The following SLCO5A1 variants were observed in gnomAD, a reference collection of about 807,000 sequenced individuals.
The protein encoded by SLCO5A1 is organic anion transporter polypeptide-related protein 4.
In SLCO5A1, 39 loss-of-function variants were observed where a neutral mutation model predicts 65.1. The observed-to-expected ratio is 0.60, with a 90% confidence interval of 0.46 to 0.78. The LOEUF (loss-of-function observed/expected upper bound fraction) is 0.78, where lower values mean the gene tolerates loss of function less well. Ranked by LOEUF, SLCO5A1 falls within the 30% of genes least tolerant of loss-of-function variation. The pLI, the probability that SLCO5A1 is intolerant of heterozygous loss-of-function variation, is 0.00. For synonymous variants in SLCO5A1, 438 were observed against 415.7 expected, an observed-to-expected ratio of 1.05 and a Z score of -0.65; for missense variants, 1,029 against 1,069.4, an observed-to-expected ratio of 0.96 and a Z score of 0.53.
intron 2 of SLCO5A1, among the ~76,000 whole-genome samples, chr8:69,809,566 T>C (rs1563736983): frequency 6.6e-6 from 1 of 152,094 alleles, no homozygotes; most frequent in Admixed American, 6.6e-5. Flanking sequence ...TAAAAGCAGC[T>C]TGGTTAGAAC....
chr8:69,802,751 A>C (rs1819805213), intron 2 of SLCO5A1, among the ~76,000 whole-genome samples: 1 of 152,100 alleles, frequency 6.6e-6, no homozygotes, highest in Non-Finnish European at 1.5e-5. Flanking sequence ...TGGAGGCCTC[A>C]TCTCCTCAAA....
chr8:69,736,387 G>T (rs1430073460), intron 5 of SLCO5A1, among the ~76,000 whole-genome samples: 4 of 152,218 alleles, frequency 2.6e-5, no homozygotes, highest in African/African-American at 9.6e-5. Flanking sequence ...TTAGCCATAT[G>T]CATTCAAGGT....
At chr8:69,706,820 G>A (rs1359255451) in intron 5 of SLCO5A1, among the ~76,000 whole-genome samples, 2 of 152,154 alleles carry the variant, frequency 1.3e-5, no homozygotes, top group African/African-American at 4.8e-5. Flanking sequence ...TATGTTTAAT[G>A]TACTTCTGGG....
At chr8:69,702,697 C>T (rs1395474482) in intron 6 of SLCO5A1, among the ~76,000 whole-genome samples, 1 of 152,152 alleles carries the variant, frequency 6.6e-6, no homozygotes, top group African/African-American at 2.4e-5. Context: ...CATTTTAGAA[C>T]ATAAAACTCC....
chr8:69,756,627 A>C (rs1022501894), intron 3 of SLCO5A1, among the ~76,000 whole-genome samples: 2 of 152,232 alleles, frequency 1.3e-5, no homozygotes, highest in Non-Finnish European at 2.9e-5. Context: ...GTGCTACCAA[A>C]ATTCAGAGAG....
intron 5 of SLCO5A1, among the ~76,000 whole-genome samples, chr8:69,721,942 C>T (rs1052628271): frequency 6.6e-6 from 1 of 152,088 alleles, no homozygotes; most frequent in East Asian, 1.9e-4. Context: ...GAGGCTGAGG[C>T]GGGCAGATCA....
chr8:69,709,599 A>G (rs184903939), intron 5 of SLCO5A1, among the ~76,000 whole-genome samples: 2 of 152,352 alleles, frequency 1.3e-5, no homozygotes. Context: ...ATATACACTG[A>G]TTGCATTCTG....
intron 6 of SLCO5A1, chr8:69,700,402 C>A (rs2959582): frequency 0.4 from 60,419 of 151,924 alleles, 12,122 homozygotes; most frequent in South Asian, 0.56. Flanking sequence ...GAGGATCATT[C>A]TTTGGTCAAA....
At chr8:69,759,807 G>A (rs539660452) in intron 3 of SLCO5A1, among the ~76,000 whole-genome samples, 4 of 152,114 alleles carry the variant, frequency 2.6e-5, no homozygotes, top group East Asian at 3.9e-4. Flanking sequence ...CACCACACTC[G>A]GCTAATTTTT....
chr8:69,754,108 G>A (rs1817448069), intron 4 of SLCO5A1, among the ~76,000 whole-genome samples: 1 of 150,244 alleles, frequency 6.7e-6, no homozygotes, highest in African/African-American at 2.4e-5. Flanking sequence ...TCACTCTTTT[G>A]ATAGTAGCCA....
chr8:69,821,838 A>G (rs1820658439), intron 2 of SLCO5A1, among the ~76,000 whole-genome samples: 1 of 151,696 alleles, frequency 6.6e-6, no homozygotes, highest in African/African-American at 2.4e-5. Flanking sequence ...GAAAAGAAAA[A>G]CAATATGGCC....
chr8:69,790,719 C>T (rs995385526), intron 2 of SLCO5A1, among the ~76,000 whole-genome samples: 1 of 152,142 alleles, frequency 6.6e-6, no homozygotes, highest in South Asian at 2.1e-4. Flanking sequence ...GAATAATATG[C>T]GGTTTTAAAC....
At chr8:69,764,054 A>G (rs968888491) in intron 2 of SLCO5A1, among the ~76,000 whole-genome samples, 2 of 152,126 alleles carry the variant, frequency 1.3e-5, no homozygotes, top group African/African-American at 4.8e-5. Context: ...TAGTAGAGAC[A>G]GGGTTTTACC....
intron 5 of SLCO5A1, among the ~76,000 whole-genome samples, chr8:69,707,189 C>A (rs1207777624): frequency 6.6e-6 from 1 of 151,940 alleles, no homozygotes; most frequent in Non-Finnish European, 1.5e-5. Flanking sequence ...ATGGTGCCTG[C>A]CCCCAAGAAC....
intron 5 of SLCO5A1, among the ~76,000 whole-genome samples, chr8:69,734,586 G>T (rs1376649354): frequency 6.6e-6 from 1 of 152,156 alleles, no homozygotes; most frequent in African/African-American, 2.4e-5. Flanking sequence ...CACACACCAG[G>T]CACAGTGCTG....
intron 2 of SLCO5A1, among the ~76,000 whole-genome samples, chr8:69,812,588 C>G (rs1820252843): frequency 6.6e-6 from 1 of 152,196 alleles, no homozygotes; most frequent in African/African-American, 2.4e-5. Flanking sequence ...AGACCTCTCC[C>G]TGACAACAAT....
At position 69,679,462 on chromosome 8, in the gene SLCO5A1, G is replaced by A; in HGVS notation, c.1940C>T (p.Thr647Ile). 6.2e-7 allele frequency: 1 copy of A among 1,614,238 alleles called. No homozygotes were observed. Among genetic ancestry groups the A allele is most frequent in the Non-Finnish European group, 8.5e-7 (1 of 1,180,040 alleles). Reference protein sequence around the residue: ...VSGKCKRTCNTLIPFLVFLFI... With the variant: ...VSGKCKRTCNILIPFLVFLFI... ...AAGAAAAACTAAGAATGGGATAAGAGTATTGCAGGTCCGTTTACATTTCCC... is the reference window on the plus strand; with the variant it reads ...AAGAAAAACTAAGAATGGGATAAGAATATTGCAGGTCCGTTTACATTTCCC... The change falls in exon 8 of 10, where the codon ACT becomes ATT. Residue 647 changes from threonine (T) to isoleucine (I), a missense_variant. Physicochemically the swap from Thr to Ile is moderately conservative, Grantham distance 89. Around this residue, in one of 3 missense-constraint regions of SLCO5A1, gnomAD observed 124 missense variants for 184.5 expected, o/e 0.67. Transcript: ENST00000260126.
intron 6 of SLCO5A1, among the ~76,000 whole-genome samples, chr8:69,697,404 A>G (rs1736807360): frequency 1.3e-5 from 2 of 152,154 alleles, no homozygotes; most frequent in South Asian, 2.1e-4. Flanking sequence ...AAAAAATTAT[A>G]TATATATACA....
chr8:69,774,422 C>A (rs1818474943), intron 2 of SLCO5A1, among the ~76,000 whole-genome samples: 1 of 152,198 alleles, frequency 6.6e-6, no homozygotes, highest in Non-Finnish European at 1.5e-5. Flanking sequence ...TTTGCTGGGT[C>A]CTCAGAGCTT....
Sources: allele counts gnomAD v4.1 joint callset (sites outside exome capture counted in the v4.1 genomes callset), GRCh38; gene constraint gnomAD v4.1.1; regional missense constraint gnomAD v4.1.1; transcripts MANE v1.5; gene names NCBI Gene and HGNC (gene_info 2026-07-23, HGNC 2026-07-21).